SKAP2: variants seen among roughly 807,000 people sequenced by gnomAD.
The protein encoded by SKAP2 is src kinase-associated phosphoprotein 2.
Under a neutral mutation model 54.9 loss-of-function variants are expected in SKAP2, and 28 were observed. The observed-to-expected ratio is 0.51, with a 90% CI of 0.38 to 0.70. The LOEUF (loss-of-function observed/expected upper bound fraction) is 0.70, where lower values mean the gene tolerates loss of function less well. Among genes scored for constraint, SKAP2 ranks in the 30% least tolerant of loss-of-function variants. The pLI is 0.00. For synonymous variants in SKAP2, 137 were observed against 134.3 expected, an observed-to-expected ratio of 1.02 and a Z score of -0.14; for missense variants, 356 against 424.1, an observed-to-expected ratio of 0.84 and a Z score of 1.41.
intron 4 of SKAP2, among the ~76,000 whole-genome samples, chr7:26,801,112 A>G (rs1023144958): frequency 2.0e-5 from 3 of 152,232 alleles, no homozygotes; most frequent in Admixed American, 1.3e-4. Context: ...CATCAACAAA[A>G]TACAAGCAAT....
At chr7:26,701,452 G>A (rs866238093) in intron 9 of SKAP2, among the ~76,000 whole-genome samples, 1 of 152,230 alleles carries the variant, frequency 6.6e-6, no homozygotes, top group East Asian at 1.9e-4. Flanking sequence ...TCGCATTCAG[G>A]CTGGGCGCAG....
intron 11 of SKAP2, among the ~76,000 whole-genome samples, chr7:26,684,002 G>A (rs1440347907): frequency 6.6e-6 from 1 of 151,806 alleles, no homozygotes; most frequent in Non-Finnish European, 1.5e-5. Context: ...ATTACGATAG[G>A]GGAAATTAAA....
chr7:26,687,000 G>A (rs765847383), intron 10 of SKAP2, among the ~76,000 whole-genome samples: 8 of 151,936 alleles, frequency 5.3e-5, no homozygotes, highest in Non-Finnish European at 8.8e-5. Flanking sequence ...GTCCCATTGC[G>A]TTCCCCAGCT....
chr7:26,791,549 T>C (rs769385503), intron 4 of SKAP2, among the ~76,000 whole-genome samples: 1 of 152,226 alleles, frequency 6.6e-6, no homozygotes, highest in African/African-American at 2.4e-5. Flanking sequence ...CAATCTAGTA[T>C]CTTTAAAGCA....
chr7:26,723,364 C>G (rs1548481), intron 9 of SKAP2, among the ~76,000 whole-genome samples: 99,198 of 151,966 alleles, frequency 0.65, 32,870 homozygotes, highest in East Asian at 0.9. Context: ...CAGCTGCCTA[C>G]AACGGCTTCC....
intron 4 of SKAP2, among the ~76,000 whole-genome samples, chr7:26,745,408 C>T (rs1394124955): frequency 6.6e-6 from 1 of 152,210 alleles, no homozygotes; most frequent in African/African-American, 2.4e-5. Context: ...ATAAATAAAG[C>T]ATCTACAAGT....
chr7:26,665,224 T>C (rs1373781373), downstream of SKAP2, among the ~76,000 whole-genome samples: 1 of 152,150 alleles, frequency 6.6e-6, no homozygotes, highest in African/African-American at 2.4e-5. Flanking sequence ...AAAGTGAAAG[T>C]AGATCACTTG....
intron 4 of SKAP2, among the ~76,000 whole-genome samples, chr7:26,776,718 T>C (rs902761829): frequency 2.6e-5 from 4 of 152,184 alleles, no homozygotes; most frequent in African/African-American, 9.7e-5. Flanking sequence ...ACTTCTGGTA[T>C]TTCAAGGCCA....
intron 4 of SKAP2, among the ~76,000 whole-genome samples, chr7:26,749,899 T>C (rs1782644743): frequency 6.6e-6 from 1 of 151,492 alleles, no homozygotes; most frequent in South Asian, 2.1e-4. Flanking sequence ...GTGGCATGAT[T>C]ACAAATAACA....
chr7:26,684,761 C>T lies in SKAP2; in HGVS notation c.962G>A (p.Gly321Asp). The stretch of plus-strand genomic sequence containing the variant: ...CTTGCTAAGAATGTAAATCACATCA[C>T]CACGCTTAAATGACAACTCATCAGA... The part of the protein sequence containing the change: ...AFSDELSFKR[G>D]DVIYILSKEY... The change falls in exon 11 of 13, where the codon GGT becomes GAT. Residue 321 changes from glycine to aspartate, a missense_variant. Physicochemically the swap from Gly to Asp is moderately conservative, Grantham distance 94 (BLOSUM62 -1). Coordinates refer to ENST00000345317, the MANE Select transcript of SKAP2 (RefSeq NM_003930.5). 6.2e-7 allele frequency: 1 copy of T among 1,611,144 alleles called. No homozygotes were observed. Among genetic ancestry groups the T allele is most frequent in the Non-Finnish European group, 8.5e-7 (1 of 1,177,638 alleles).
At chr7:26,693,301 C>T (rs985052650) in intron 9 of SKAP2, among the ~76,000 whole-genome samples, 13 of 144,490 alleles carry the variant, frequency 9.0e-5, no homozygotes, top group Non-Finnish European at 1.8e-4. Context: ...CACTGCACTC[C>T]AGTCTGGGCG....
intron 4 of SKAP2, among the ~76,000 whole-genome samples, chr7:26,749,177 C>A (rs539010886): frequency 1.3e-5 from 2 of 152,200 alleles, no homozygotes; most frequent in African/African-American, 4.8e-5. Flanking sequence ...TTTAACCATA[C>A]GACTTTCTTT....
chr7:26,674,460 T>G (rs146963838), intron 11 of SKAP2, among the ~76,000 whole-genome samples: 2 of 152,214 alleles, frequency 1.3e-5, no homozygotes, highest in Non-Finnish European at 2.9e-5. Context: ...TTCTCATACA[T>G]TCATTGTTTC....
At chr7:26,694,000 A>G (rs1786843737) in intron 9 of SKAP2, among the ~76,000 whole-genome samples, 1 of 152,186 alleles carries the variant, frequency 6.6e-6, no homozygotes, top group African/African-American at 2.4e-5. Flanking sequence ...ATCTTAACAT[A>G]TTCATTTATT....
At chr7:26,655,035 G>GT in the SKAP2 span, among the ~76,000 whole-genome samples, 4 of 152,176 alleles carry the variant, frequency 2.6e-5, no homozygotes, top group African/African-American at 7.2e-5. Context: ...TACAAGTGAT[G>GT]TAACTAAAGG....
intron 9 of SKAP2, among the ~76,000 whole-genome samples, chr7:26,719,954 T>G (rs1015435837): frequency 2.6e-5 from 4 of 152,170 alleles, no homozygotes; most frequent in Admixed American, 2.6e-4. Flanking sequence ...CTCAGCACTA[T>G]TGACGTTTGG....
chr7:26,687,098 A>G (rs1414722613), intron 10 of SKAP2, among the ~76,000 whole-genome samples: 1 of 151,580 alleles, frequency 6.6e-6, no homozygotes, highest in Non-Finnish European at 1.5e-5. Context: ...GAAAGAAGGA[A>G]AAGAAAAGTA....
At chr7:26,676,863 G>T (rs1786360151) in intron 11 of SKAP2, among the ~76,000 whole-genome samples, 1 of 152,202 alleles carries the variant, frequency 6.6e-6, no homozygotes, top group Non-Finnish European at 1.5e-5. Context: ...AGTGACAGCT[G>T]GGCTGAGACT....
intron 10 of SKAP2, among the ~76,000 whole-genome samples, chr7:26,689,356 C>T (rs955309438): frequency 3.9e-5 from 6 of 152,110 alleles, no homozygotes; most frequent in South Asian, 4.1e-4. Flanking sequence ...CTCTTCTTTC[C>T]GTGTAAAATA....
Sources: gnomAD v4.1 joint callset for allele counts (sites outside exome capture counted in the v4.1 genomes callset) on GRCh38, gnomAD v4.1.1 for gene constraint, MANE v1.5 for transcripts, NCBI Gene and HGNC (gene_info 2026-07-23, HGNC 2026-07-21) for gene names.